Variants in RBMS3 observed in about 807,000 individuals in gnomAD.
RBMS3 encodes RNA-binding motif, single-stranded-interacting protein 3.
A neutral mutation model predicts 66.8 loss-of-function variants in RBMS3; 27 were observed. The ratio of observed to expected loss-of-function variants is 0.40; its 90% CI spans 0.30 to 0.56. RBMS3 has a LOEUF of 0.56. Ranked by LOEUF, RBMS3 falls within the 20% of genes least tolerant of loss-of-function variation. The pLI is 0.40. For missense variants in RBMS3, 513 were observed against 549.5 expected (o/e 0.93, Z 0.66); for synonymous variants, 188 against 183.0 (o/e 1.03, Z -0.22).
chr3:29,379,421 C>G (rs1383119239), intron 1 of RBMS3, among the ~76,000 whole-genome samples: 1 of 152,144 alleles, frequency 6.6e-6, no homozygotes, highest in Non-Finnish European at 1.5e-5. Context: ...TTTCATGCTG[C>G]TGATAAAGAC....
intron 4 of RBMS3, among the ~76,000 whole-genome samples, chr3:29,696,133 C>G (rs17024187): frequency 2.6e-5 from 4 of 152,152 alleles, no homozygotes; most frequent in African/African-American, 9.7e-5. Flanking sequence ...GATGGTGACA[C>G]TTAATTATGG....
chr3:29,756,419 T>C (rs1465340210), intron 5 of RBMS3, among the ~76,000 whole-genome samples: 1 of 152,068 alleles, frequency 6.6e-6, no homozygotes, highest in African/African-American at 2.4e-5. Context: ...ACATGGCTGG[T>C]GAGGCCTCAC....
At chr3:29,323,016 C>T (rs2035099122) in intron 1 of RBMS3, among the ~76,000 whole-genome samples, 1 of 152,012 alleles carries the variant, frequency 6.6e-6, no homozygotes, top group South Asian at 2.1e-4. Context: ...ACCATGGAGA[C>T]CATAAAATTC....
intron 2 of RBMS3, among the ~76,000 whole-genome samples, chr3:29,445,138 T>C (rs2041777078): frequency 6.6e-6 from 1 of 152,034 alleles, no homozygotes; most frequent in African/African-American, 2.4e-5. Flanking sequence ...AATTCATCAG[T>C]AATATAAAAA....
chr3:29,528,950 G>C (rs541816397), intron 3 of RBMS3, among the ~76,000 whole-genome samples: 78 of 151,676 alleles, frequency 5.1e-4, no homozygotes, highest in African/African-American at 1.8e-3. Flanking sequence ...CACCGTGTTG[G>C]CCAGGCTGGT....
chr3:29,948,960 G>T (rs987393862), intron 12 of RBMS3, among the ~76,000 whole-genome samples: 1 of 151,700 alleles, frequency 6.6e-6, no homozygotes, highest in Non-Finnish European at 1.5e-5. Context: ...CATCACAGGA[G>T]TGGTCTGCAG....
intron 3 of RBMS3, among the ~76,000 whole-genome samples, chr3:29,512,747 T>C (rs1409608403): frequency 6.6e-6 from 1 of 152,226 alleles, no homozygotes; most frequent in Non-Finnish European, 1.5e-5. Flanking sequence ...AAAGGCTGTC[T>C]AATATTTCAA....
At chr3:29,684,921 T>G (rs2051651154) in intron 4 of RBMS3, among the ~76,000 whole-genome samples, 1 of 152,076 alleles carries the variant, frequency 6.6e-6, no homozygotes, top group Non-Finnish European at 1.5e-5. Flanking sequence ...TTCTGTTTGG[T>G]TTATGTTGCA....
At chr3:29,292,677 G>T (rs1410652330) in intron 1 of RBMS3, among the ~76,000 whole-genome samples, 2 of 151,072 alleles carry the variant, frequency 1.3e-5, no homozygotes. Context: ...AGTAAAAAAA[G>T]AAAAAAAGAT....
chr3:29,615,703 A>G (rs1468196710), intron 4 of RBMS3, among the ~76,000 whole-genome samples: 1 of 152,202 alleles, frequency 6.6e-6, no homozygotes, highest in African/African-American at 2.4e-5. Flanking sequence ...TAGCTGTGGT[A>G]AACTTTAGCA....
At chr3:29,507,012 T>TAAAA (rs3043394) in intron 3 of RBMS3, among the ~76,000 whole-genome samples, 6,000 of 144,622 alleles carry the variant, frequency 0.041, 387 homozygotes, top group East Asian at 0.33. Flanking sequence ...TTTGTTTGTT[T>TAAAA]AAAAAAAAAA....
At chr3:29,572,432 G>A (rs925002921) in intron 3 of RBMS3, among the ~76,000 whole-genome samples, 1 of 152,080 alleles carries the variant, frequency 6.6e-6, no homozygotes, top group Non-Finnish European at 1.5e-5. Flanking sequence ...TTATGTTGAG[G>A]TATGCTCTGT....
chr3:29,988,312 C>T (rs1698575465), intron 13 of RBMS3, 89 bp downstream of exon 13: 3 of 1,106,326 alleles, frequency 2.7e-6, no homozygotes, highest in Admixed American at 4.3e-5. Flanking sequence ...GGAATCCTCA[C>T]TTGCAATTTT....
intron 6 of RBMS3, among the ~76,000 whole-genome samples, chr3:29,864,858 G>A (rs1429981773): frequency 7.0e-6 from 1 of 142,692 alleles, no homozygotes; most frequent in Non-Finnish European, 1.6e-5. Flanking sequence ...GAAAGGGAAG[G>A]GGAAGGGGAA....
At chr3:29,298,539 A>T (rs2033448577) in intron 1 of RBMS3, among the ~76,000 whole-genome samples, 1 of 152,066 alleles carries the variant, frequency 6.6e-6, no homozygotes, top group Admixed American at 6.6e-5. Context: ...TTTCAATTAT[A>T]AAGATACTAA....
At chr3:29,631,700 G>A (rs1419784358) in intron 4 of RBMS3, among the ~76,000 whole-genome samples, 1 of 151,760 alleles carries the variant, frequency 6.6e-6, no homozygotes, top group East Asian at 1.9e-4. Flanking sequence ...GAATAGCCTA[G>A]TTTAAGCATG....
intron 1 of RBMS3, among the ~76,000 whole-genome samples, chr3:29,359,429 G>T (rs2037427403): frequency 6.6e-6 from 1 of 152,182 alleles, no homozygotes; most frequent in Non-Finnish European, 1.5e-5. Flanking sequence ...TTTTTGATGT[G>T]TTGCTGGATT....
intron 1 of RBMS3, among the ~76,000 whole-genome samples, chr3:29,415,472 G>A (rs1408282664): frequency 6.6e-6 from 1 of 152,192 alleles, no homozygotes; most frequent in African/African-American, 2.4e-5. Flanking sequence ...GTCAGTCTCA[G>A]GAAGGTGATC....
At chr3:29,374,920 C>T (rs2038388599) in intron 1 of RBMS3, among the ~76,000 whole-genome samples, 1 of 152,132 alleles carries the variant, frequency 6.6e-6, no homozygotes, top group Non-Finnish European at 1.5e-5. Flanking sequence ...CATTTCTTTC[C>T]AAACCTGCAT....
Sources: gnomAD v4.1 joint callset for allele counts (sites outside exome capture counted in the v4.1 genomes callset) on GRCh38, gnomAD v4.1.1 for gene constraint, MANE v1.5 for transcripts, NCBI Gene and HGNC (gene_info 2026-07-23, HGNC 2026-07-21) for gene names.